The following STK32B variants were observed in gnomAD, a reference collection of about 807,000 sequenced individuals.
STK32B encodes the protein serine/threonine-protein kinase 32B.
A neutral mutation model predicts 52.6 loss-of-function variants in STK32B; 43 were observed. That is an observed-to-expected ratio of 0.82 (90% CI 0.64 to 1.05). The LOEUF (loss-of-function observed/expected upper bound fraction) is 1.05. STK32B is among the 50% of genes least tolerant of loss of function. The pLI is 0.00. For synonymous variants in STK32B, 238 were observed against 204.3 expected, an observed-to-expected ratio of 1.17 and a Z score of -1.41; for missense variants, 621 against 534.6, an observed-to-expected ratio of 1.16 and a Z score of -1.59.
chr4:5,413,560 A>G (rs554088051), intron 5 of STK32B, among the ~76,000 whole-genome samples: 1 of 152,368 alleles, frequency 6.6e-6, no homozygotes, highest in East Asian at 1.9e-4. Context: ...AAAATTGGAA[A>G]ATTATAAGAG....
intron 3 of STK32B, among the ~76,000 whole-genome samples, chr4:5,271,389 G>A (rs901359324): frequency 6.6e-6 from 1 of 152,160 alleles, no homozygotes; most frequent in Non-Finnish European, 1.5e-5. Context: ...TTATTGATGA[G>A]TCTTAAGACT....
intron 5 of STK32B, among the ~76,000 whole-genome samples, chr4:5,414,127 C>T (rs759225164): frequency 6.6e-6 from 1 of 152,150 alleles, no homozygotes; most frequent in Non-Finnish European, 1.5e-5. Context: ...TTGTATGATA[C>T]AGACATCCTA....
intron 4 of STK32B, among the ~76,000 whole-genome samples, chr4:5,338,125 A>G (rs1330334526): frequency 1.3e-5 from 2 of 152,218 alleles, no homozygotes; most frequent in African/African-American, 4.8e-5. Context: ...TGCTGTTGTA[A>G]CAAAATGTGT....
chr4:5,403,856 T>C lies in STK32B; in HGVS notation c.472+5612T>C, dbSNP rs1038165640. ...GAAGGAAGGGAGAGGAAGCCACTCA[T>C]ACAAGATGGAAGACTGAGATGTTTC... On this transcript the variant is annotated intron_variant, in intron 5 of 11. Coordinates refer to ENST00000282908, the MANE Select transcript of STK32B (RefSeq NM_018401.3). 3.3e-5 allele frequency among the ~76,000 whole-genome samples: 5 copies of C among 152,126 alleles called. No homozygotes were observed. The South Asian group carries it at 6.2e-4, about 19-fold the overall frequency.
At chr4:5,112,211 G>A (rs1416362275) in intron 1 of STK32B, among the ~76,000 whole-genome samples, 1 of 152,148 alleles carries the variant, frequency 6.6e-6, no homozygotes, top group African/African-American at 2.4e-5. Flanking sequence ...GGATAGAGGG[G>A]AGATGGGTGG....
intron 3 of STK32B, among the ~76,000 whole-genome samples, chr4:5,266,872 C>A (rs1035242020): frequency 6.6e-6 from 1 of 152,126 alleles, no homozygotes; most frequent in African/African-American, 2.4e-5. Context: ...ACTCCAACAT[C>A]ATTTTAAAGT....
chr4:5,477,508 C>T (rs530401905), intron 11 of STK32B, among the ~76,000 whole-genome samples: 9 of 152,286 alleles, frequency 5.9e-5, no homozygotes, highest in Non-Finnish European at 1.3e-4. Context: ...TCCGGATCCC[C>T]AGATCCCCTC....
At chr4:5,281,761 T>G (rs1244459741) in intron 3 of STK32B, among the ~76,000 whole-genome samples, 1 of 152,194 alleles carries the variant, frequency 6.6e-6, no homozygotes, top group Non-Finnish European at 1.5e-5. Context: ...CAAATTAGTG[T>G]TTCCATCTGG....
intron 7 of STK32B, chr4:5,447,028 T>C (rs971882673): frequency 2.4e-5 from 9 of 376,084 alleles, no homozygotes; most frequent in Non-Finnish European, 3.4e-5. Flanking sequence ...CCACAGCGGA[T>C]CAGTGACAAG....
At chr4:5,283,798 A>C (rs957854422) in intron 3 of STK32B, among the ~76,000 whole-genome samples, 1 of 152,218 alleles carries the variant, frequency 6.6e-6, no homozygotes, top group African/African-American at 2.4e-5. Context: ...AAAGGAGTTC[A>C]TCACCATTAG....
chr4:5,119,917 G>A (rs2108809851), intron 1 of STK32B, among the ~76,000 whole-genome samples: 1 of 152,254 alleles, frequency 6.6e-6, no homozygotes. Flanking sequence ...CTACGCATAG[G>A]CATTCGGGAC....
intron 11 of STK32B, among the ~76,000 whole-genome samples, chr4:5,475,240 T>A (rs1380813679): frequency 1.3e-5 from 2 of 151,620 alleles, no homozygotes; most frequent in Non-Finnish European, 2.9e-5. Context: ...GCCAACATGG[T>A]GAAACCCCCA....
At chr4:5,278,603 C>T (rs973708414) in intron 3 of STK32B, among the ~76,000 whole-genome samples, 8 of 152,174 alleles carry the variant, frequency 5.3e-5, no homozygotes, top group African/African-American at 1.9e-4. Context: ...ATTTGAAAAC[C>T]TAGGCATATA....
intron 2 of STK32B, among the ~76,000 whole-genome samples, chr4:5,142,584 A>C (rs957232372): frequency 1.3e-5 from 2 of 152,196 alleles, no homozygotes; most frequent in African/African-American, 4.8e-5. Flanking sequence ...TGGATAATTT[A>C]ACAGACATTC....
At chr4:5,036,258 G>T in the STK32B span, among the ~76,000 whole-genome samples, 4 of 152,146 alleles carry the variant, frequency 2.6e-5, no homozygotes, top group East Asian at 7.7e-4. Flanking sequence ...TGCTTGTTTT[G>T]TCCCCCACTG....
intron 3 of STK32B, among the ~76,000 whole-genome samples, chr4:5,267,258 C>G (rs1022624992): frequency 6.6e-6 from 1 of 152,106 alleles, no homozygotes; most frequent in African/African-American, 2.4e-5. Flanking sequence ...CTGAGTCAGG[C>G]TGGGTGCAAT....
chr4:5,434,850 G>GC (rs1713911892), intron 6 of STK32B, among the ~76,000 whole-genome samples: 1 of 152,070 alleles, frequency 6.6e-6, no homozygotes, highest in South Asian at 2.1e-4. Flanking sequence ...TCAATAAATG[G>GC]CCCCCCTAAG....
intron 4 of STK32B, among the ~76,000 whole-genome samples, chr4:5,357,062 T>TAC (rs777248303): frequency 1.4e-5 from 2 of 146,206 alleles, no homozygotes; most frequent in Non-Finnish European, 3.0e-5. Context: ...CACACATATA[T>TAC]ACACACATAT....
intron 3 of STK32B, among the ~76,000 whole-genome samples, chr4:5,220,836 G>A (rs928772333): frequency 2.0e-5 from 3 of 152,116 alleles, no homozygotes; most frequent in African/African-American, 4.8e-5. Context: ...GGTGGCAGTG[G>A]GGATGGAAAG....
Sources: gnomAD v4.1 joint callset for allele counts (sites outside exome capture counted in the v4.1 genomes callset) on GRCh38, gnomAD v4.1.1 for gene constraint, MANE v1.5 for transcripts, NCBI Gene and HGNC (gene_info 2026-07-23, HGNC 2026-07-21) for gene names.